EEFSEC: variants seen among roughly 807,000 people sequenced by gnomAD.
EEFSEC encodes the protein selenocysteine-specific elongation factor.
A neutral mutation model predicts 42.1 loss-of-function variants in EEFSEC; 43 were observed. The observed-to-expected ratio is 1.02, with a 90% CI of 0.80 to 1.32. EEFSEC has a LOEUF of 1.32. EEFSEC is among the 40% of genes most tolerant of loss of function. The pLI, the probability that EEFSEC is intolerant of heterozygous loss-of-function variation, is 0.00. For synonymous variants in EEFSEC, 354 were observed against 339.1 expected, an observed-to-expected ratio of 1.04 and a Z score of -0.48; for missense variants, 745 against 803.6, an observed-to-expected ratio of 0.93 and a Z score of 0.88.
intron 4 of EEFSEC, among the ~76,000 whole-genome samples, chr3:128,282,104 G>A (rs1000663588): frequency 6.6e-6 from 1 of 152,252 alleles, no homozygotes; most frequent in Non-Finnish European, 1.5e-5. Flanking sequence ...AGGGCCCAGA[G>A]GAGGGGCTAC....
chr3:128,183,392 A>G (rs1383731871), intron 1 of EEFSEC, among the ~76,000 whole-genome samples: 3 of 152,226 alleles, frequency 2.0e-5, no homozygotes, highest in Non-Finnish European at 4.4e-5. Context: ...CCACTAGGCT[A>G]TGCTGCCTCC....
intron 5 of EEFSEC, among the ~76,000 whole-genome samples, chr3:128,351,932 T>C (rs1388579971): frequency 6.6e-6 from 1 of 152,246 alleles, no homozygotes; most frequent in Non-Finnish European, 1.5e-5. Flanking sequence ...AAGCAAGGCC[T>C]ATTGAGCAGA....
At chr3:128,253,864 C>T (rs1039472156) in intron 2 of EEFSEC, among the ~76,000 whole-genome samples, 1 of 152,146 alleles carries the variant, frequency 6.6e-6, no homozygotes, top group African/African-American at 2.4e-5. Context: ...CTGAAATCAT[C>T]GTGTCACACT....
intron 4 of EEFSEC, among the ~76,000 whole-genome samples, chr3:128,318,723 G>C (rs1322226124): frequency 6.6e-6 from 1 of 152,122 alleles, no homozygotes; most frequent in Non-Finnish European, 1.5e-5. Flanking sequence ...AGCCATTCTG[G>C]TCTTGCCTGG....
chr3:128,211,860 T>C lies in EEFSEC; in HGVS notation c.317-34976T>C, dbSNP rs1184828303. Reference sequence around the variant, plus strand: ...TTCTTTTTCTTTTCTTTTTTTTTTTTTTTTTTTTTTTTTTTTTGAGACAGA... The same window carrying C: ...TTCTTTTTCTTTTCTTTTTTTTTTTCTTTTTTTTTTTTTTTTTGAGACAGA... On this transcript the variant is annotated intron_variant, in intron 1 of 6. Coordinates refer to ENST00000254730, the MANE Select transcript of EEFSEC (RefSeq NM_021937.5). Among the ~76,000 whole-genome samples the C allele has an allele frequency of 5.9e-3, 702 of 119,120 alleles. 9 individuals are homozygous for C. The highest frequency in any genetic ancestry group is 0.021 in the African/African-American group (662 of 30,916). The allele number at this position is 119,120 out of a possible 152,430, so 78.1% of individuals were successfully genotyped here. A position where few individuals can be genotyped will look rare whatever the true frequency, so the allele number is the denominator to read the frequency against.
intron 3 of EEFSEC, among the ~76,000 whole-genome samples, chr3:128,263,848 G>T (rs1412635269): frequency 6.6e-6 from 1 of 152,210 alleles, no homozygotes; most frequent in Non-Finnish European, 1.5e-5. Flanking sequence ...GCTGAGGCGT[G>T]TGGAGTCCGC....
chr3:128,370,883 G>A (rs1012169135), intron 6 of EEFSEC, among the ~76,000 whole-genome samples: 1 of 152,236 alleles, frequency 6.6e-6, no homozygotes, highest in African/African-American at 2.4e-5. Context: ...TGAGGCTTGA[G>A]CTTGTCTTGA....
At chr3:128,189,368 A>G (rs945957293) in intron 1 of EEFSEC, among the ~76,000 whole-genome samples, 9 of 152,226 alleles carry the variant, frequency 5.9e-5, no homozygotes, top group Non-Finnish European at 1.3e-4. Context: ...GTGCTGTCAT[A>G]GCTGTGGTAA....
At chr3:128,284,224 T>C (rs189264892) in intron 4 of EEFSEC, among the ~76,000 whole-genome samples, 127 of 152,344 alleles carry the variant, frequency 8.3e-4, no homozygotes, top group African/African-American at 3.0e-3. Context: ...TTATCTGAGT[T>C]TGGGAATCTT....
In EEFSEC at chr3:128,341,388, G is replaced by A. The variant is rs750812362; in HGVS notation, c.942G>A (p.Ala314=). ...CAPESLHTVH[A]ALISVEKIPY... is the part of the protein sequence containing the mutation. ...CCGAGTCCCTGCACACTGTCCATGC[G>A]GCCCTCATCTCTGTGGAAAAGATAC... The change falls in exon 5 of 7, where the codon GCG becomes GCA. Residue 314 remains alanine (A), a synonymous_variant. Coordinates refer to ENST00000254730, the MANE Select transcript of EEFSEC (RefSeq NM_021937.5). The A allele has an allele frequency of 3.7e-5, 59 of 1,613,962 alleles. No individual in the cohort carries two copies. Among genetic ancestry groups the A allele is most frequent in the Middle Eastern group, 3.3e-4 (2 of 6,082 alleles).
At chr3:128,316,279 T>G (rs971889321) in intron 4 of EEFSEC, among the ~76,000 whole-genome samples, 1 of 152,216 alleles carries the variant, frequency 6.6e-6, no homozygotes, top group African/African-American at 2.4e-5. Context: ...CTGTGTTCTT[T>G]CACCCTTTTT....
intron 1 of EEFSEC, among the ~76,000 whole-genome samples, chr3:128,205,435 G>T (rs765228929): frequency 2.6e-5 from 4 of 152,172 alleles, no homozygotes; most frequent in Non-Finnish European, 4.4e-5. Context: ...TGCTGCGGGG[G>T]TGCCCTTGAG....
At chr3:128,200,595 A>G (rs2065633987) in intron 1 of EEFSEC, among the ~76,000 whole-genome samples, 1 of 152,208 alleles carries the variant, frequency 6.6e-6, no homozygotes, top group African/African-American at 2.4e-5. Context: ...GCCTTCTAAC[A>G]TGAATCTCTT....
intron 4 of EEFSEC, among the ~76,000 whole-genome samples, chr3:128,288,684 A>C (rs1369372552): frequency 6.6e-6 from 1 of 152,246 alleles, no homozygotes; most frequent in African/African-American, 2.4e-5. Context: ...GCAGGTGAAC[A>C]TGTTGACTTA....
chr3:128,246,727 T>A, intron 1 of EEFSEC, 109 bp from the exon 2 acceptor site: 1 of 1,154,064 alleles, frequency 8.7e-7, no homozygotes, highest in Non-Finnish European at 1.3e-6. Flanking sequence ...TCACCATTTA[T>A]TCCACTTTGC....
intron 1 of EEFSEC, among the ~76,000 whole-genome samples, chr3:128,207,480 TGAG>T (rs1254602819): frequency 6.6e-6 from 1 of 151,720 alleles, no homozygotes; most frequent in Non-Finnish European, 1.5e-5. Context: ...GTCGCTAAGG[TGAG>T]GATCCAATTT....
In EEFSEC at chr3:128,341,565, C is replaced by T. The variant is rs1414036892; in HGVS notation, c.1119C>T (p.Tyr373=). 6.2e-7 allele frequency: 1 copy of T among 1,613,964 alleles called. No homozygotes were observed. Among genetic ancestry groups the T allele is most frequent in the African/African-American group, 1.3e-5 (1 of 74,936 alleles). ...ACTCTTTCAACTTCTCTCAAGAATA[C>T]CTTTTCCAGGAGCAGTACCTGTCCA... ...ILDSFNFSQE[Y]LFQEQYLSKD... is the part of the protein sequence containing the mutation. Residue 373 remains tyrosine, a synonymous_variant, in exon 5 of 7, where the codon TAC becomes TAT. Coordinates refer to ENST00000254730, the MANE Select transcript of EEFSEC (RefSeq NM_021937.5).
chr3:128,182,815 A>G (rs943712383), intron 1 of EEFSEC, among the ~76,000 whole-genome samples: 1 of 138,288 alleles, frequency 7.2e-6, no homozygotes. Flanking sequence ...CCCTGCTGCT[A>G]GCAGAGACCT....
intron 6 of EEFSEC, among the ~76,000 whole-genome samples, chr3:128,404,281 G>A (rs988972988): frequency 2.0e-5 from 3 of 152,240 alleles, no homozygotes; most frequent in Non-Finnish European, 4.4e-5. Flanking sequence ...GTCCATAATA[G>A]AGCAGAGGTA....
Sources: gnomAD v4.1 joint callset for allele counts (sites outside exome capture counted in the v4.1 genomes callset) on GRCh38, gnomAD v4.1.1 for gene constraint, MANE v1.5 for transcripts, NCBI Gene and HGNC (gene_info 2026-07-23, HGNC 2026-07-21) for gene names.